GRID1: variants seen among roughly 807,000 people sequenced by gnomAD.
The protein encoded by GRID1 is glutamate receptor ionotropic, delta-1.
GRID1 carries 28 observed loss-of-function variants against 98.0 expected under a neutral mutation model. The observed-to-expected ratio is 0.29, with a 90% CI of 0.21 to 0.39. The LOEUF (loss-of-function observed/expected upper bound fraction) is 0.39, where lower values mean the gene tolerates loss of function less well. Ranked by LOEUF, GRID1 falls within the 10% of genes least tolerant of loss-of-function variation. The pLI is 1.00. For missense variants in GRID1, 1,111 were observed against 1,340.5 expected, an observed-to-expected ratio of 0.83 and a Z score of 2.67; for synonymous variants, 553 against 538.5, an observed-to-expected ratio of 1.03 and a Z score of -0.37.
chr10:86,113,928 C>G (rs920547120), intron 4 of GRID1, among the ~76,000 whole-genome samples: 1 of 152,226 alleles, frequency 6.6e-6, no homozygotes, highest in African/African-American at 2.4e-5. Flanking sequence ...AGCTACCCAA[C>G]AACAAAATAG....
intron 2 of GRID1, among the ~76,000 whole-genome samples, chr10:86,295,784 C>G (rs1341754956): frequency 6.6e-6 from 1 of 152,190 alleles, no homozygotes; most frequent in East Asian, 1.9e-4. Context: ...TACGGACACT[C>G]AACAGGTATG....
chr10:86,006,488 G>A (rs1329467846), intron 4 of GRID1, among the ~76,000 whole-genome samples: 1 of 152,072 alleles, frequency 6.6e-6, no homozygotes, highest in Non-Finnish European at 1.5e-5. Flanking sequence ...CGTGGTGGCG[G>A]GCACCTCTAG....
At chr10:85,690,247 A>C (rs531856286) in intron 12 of GRID1, among the ~76,000 whole-genome samples, 90 of 152,282 alleles carry the variant, frequency 5.9e-4, no homozygotes, top group African/African-American at 2.1e-3. Flanking sequence ...ATAGCAATAA[A>C]ATTTACATAA....
chr10:86,117,575 T>A (rs977223947), intron 4 of GRID1, among the ~76,000 whole-genome samples: 1 of 148,904 alleles, frequency 6.7e-6, no homozygotes, highest in Admixed American at 6.7e-5. Flanking sequence ...GCTATCACTA[T>A]CACCACCATC....
chr10:86,171,789 C>T (rs147285058), intron 3 of GRID1, among the ~76,000 whole-genome samples: 9 of 152,306 alleles, frequency 5.9e-5, no homozygotes, highest in East Asian at 1.9e-4. Flanking sequence ...CTACCTAAAC[C>T]ACTCACTTCC....
At chr10:85,903,380 T>G (rs1400753609) in intron 5 of GRID1, among the ~76,000 whole-genome samples, 1 of 152,130 alleles carries the variant, frequency 6.6e-6, no homozygotes, top group Non-Finnish European at 1.5e-5. Flanking sequence ...ACAGCAAATC[T>G]TATCGGCTCC....
Position 85,854,521 on chromosome 10 carries a change from T to C in GRID1, c.1208A>G (p.Glu403Gly), listed in dbSNP as rs924783888. Reference sequence around the variant, plus strand: ...CTTGCGCATGTCTTTGCCAAAAGTCTCACTATAGGTAGTGCCAAGGATTTC... The same window carrying C: ...CTTGCGCATGTCTTTGCCAAAAGTCCCACTATAGGTAGTGCCAAGGATTTC... ...QFEILGTTYS[E>G]TFGKDMRKLA... Residue 403 changes from glutamate (E) to glycine (G), a missense_variant, in exon 8 of 16, where the codon GAG becomes GGG. Glu to Gly is a moderately conservative substitution (Grantham distance 98). Coordinates refer to ENST00000327946, the MANE Select transcript of GRID1 (RefSeq NM_017551.3). 7 of 1,613,846 alleles carry C rather than the reference T, an allele frequency of 4.3e-6. No homozygotes were observed. The highest frequency in any genetic ancestry group is 1.6e-4 in the Middle Eastern group (1 of 6,062).
intron 8 of GRID1, among the ~76,000 whole-genome samples, chr10:85,773,660 A>G (rs1842297583): frequency 6.6e-6 from 1 of 152,222 alleles, no homozygotes; most frequent in Non-Finnish European, 1.5e-5. Flanking sequence ...AAAAATCACA[A>G]GCATTCTTAA....
intron 3 of GRID1, among the ~76,000 whole-genome samples, chr10:86,188,403 C>T (rs1845754616): frequency 1.3e-5 from 2 of 152,192 alleles, no homozygotes; most frequent in Admixed American, 6.5e-5. Context: ...AGCTGCAGCC[C>T]ACCAGGAGAG....
intron 2 of GRID1, among the ~76,000 whole-genome samples, chr10:86,227,226 G>A (rs927099021): frequency 1.3e-5 from 2 of 152,212 alleles, no homozygotes; most frequent in Non-Finnish European, 2.9e-5. Context: ...AAAGGAAGAC[G>A]AAAGACAATG....
At chr10:85,773,222 C>G (rs1304858836) in intron 8 of GRID1, among the ~76,000 whole-genome samples, 1 of 152,036 alleles carries the variant, frequency 6.6e-6, no homozygotes, top group East Asian at 1.9e-4. Context: ...AAGACAAAAA[C>G]CACATGATTA....
At chr10:85,715,186 C>A (rs1005211900) in intron 12 of GRID1, among the ~76,000 whole-genome samples, 3 of 152,000 alleles carry the variant, frequency 2.0e-5, no homozygotes, top group African/African-American at 7.2e-5. Flanking sequence ...TATCTGCACA[C>A]AAAAGAATGA....
At chr10:85,737,104 A>G (rs1489175947) in intron 8 of GRID1, among the ~76,000 whole-genome samples, 1 of 152,128 alleles carries the variant, frequency 6.6e-6, no homozygotes, top group Non-Finnish European at 1.5e-5. Flanking sequence ...TATAGGAAGG[A>G]GTGATTATCG....
chr10:86,219,143 G>A (rs889566135), intron 2 of GRID1, among the ~76,000 whole-genome samples: 7 of 152,196 alleles, frequency 4.6e-5, no homozygotes, highest in East Asian at 3.8e-4. Flanking sequence ...CCTCTGTGCC[G>A]CTCCCTGGCC....
intron 4 of GRID1, among the ~76,000 whole-genome samples, chr10:86,135,970 T>C (rs1010964644): frequency 4.6e-5 from 7 of 152,240 alleles, no homozygotes; most frequent in Non-Finnish European, 7.3e-5. Flanking sequence ...GGATGCTGCA[T>C]AACATTGACA....
At chr10:86,072,628 T>A in intron 4 of GRID1, among the ~76,000 whole-genome samples, 1 of 152,198 alleles carries the variant, frequency 6.6e-6, no homozygotes, top group East Asian at 1.9e-4. Context: ...ATAATTACCC[T>A]CAAAAGCCCA....
intron 4 of GRID1, among the ~76,000 whole-genome samples, chr10:85,931,628 A>C (rs1160968802): frequency 1.3e-5 from 2 of 152,088 alleles, no homozygotes; most frequent in Non-Finnish European, 2.9e-5. Context: ...AATATTTTTT[A>C]ATCTCTTTAA....
At chr10:86,263,463 G>A (rs1346782666) in intron 2 of GRID1, among the ~76,000 whole-genome samples, 2 of 152,226 alleles carry the variant, frequency 1.3e-5, no homozygotes, top group African/African-American at 4.8e-5. Flanking sequence ...GTTCCAGCGT[G>A]CAGCACCAAG....
intron 8 of GRID1, among the ~76,000 whole-genome samples, chr10:85,812,038 T>C (rs1001693533): frequency 6.6e-6 from 1 of 151,966 alleles, no homozygotes; most frequent in Non-Finnish European, 1.5e-5. Context: ...CAGAAAAGAA[T>C]GGAATAATTT....
Sources: gnomAD v4.1 joint callset for allele counts (sites outside exome capture counted in the v4.1 genomes callset) on GRCh38, gnomAD v4.1.1 for gene constraint, MANE v1.5 for transcripts, NCBI Gene and HGNC (gene_info 2026-07-23, HGNC 2026-07-21) for gene names.